The following RBFOX3 variants were observed in gnomAD, a reference collection of about 807,000 sequenced individuals.
RBFOX3 encodes RNA binding fox-1 homolog 3, also known as RNA binding protein fox-1 homolog 3.
Under a neutral mutation model 48.7 loss-of-function variants are expected in RBFOX3, and 17 were observed. The observed-to-expected ratio is 0.35, with a 90% confidence interval of 0.24 to 0.52. The LOEUF (loss-of-function observed/expected upper bound fraction) is 0.52, where lower values mean the gene tolerates loss of function less well. Ranked by LOEUF, RBFOX3 falls within the 20% of genes least tolerant of loss-of-function variation. The pLI, the probability that RBFOX3 is intolerant of heterozygous loss-of-function variation, is 0.94. For missense variants in RBFOX3, 382 were observed against 497.5 expected (o/e 0.77, Z 2.21); for synonymous variants, 212 against 209.5 (o/e 1.01, Z -0.10).
At chr17:79,565,232 G>C (rs2092411739) in intron 1 of RBFOX3, among the ~76,000 whole-genome samples, 1 of 151,774 alleles carries the variant, frequency 6.6e-6, no homozygotes, top group African/African-American at 2.4e-5. Flanking sequence ...ATTGATTTTT[G>C]TTCCCATCTC....
chr17:79,437,521 C>A (rs1038248746), intron 2 of RBFOX3, among the ~76,000 whole-genome samples: 4 of 152,212 alleles, frequency 2.6e-5, no homozygotes, highest in Non-Finnish European at 4.4e-5. Context: ...GGAGAGCTGG[C>A]AGAGCCCGGG....
chr17:79,402,772 G>A (rs2062980971), intron 2 of RBFOX3, among the ~76,000 whole-genome samples: 2 of 152,322 alleles, frequency 1.3e-5, no homozygotes, highest in South Asian at 2.1e-4. Flanking sequence ...GAGTTGGACA[G>A]CCCGGGGTCA....
intron 2 of RBFOX3, among the ~76,000 whole-genome samples, chr17:79,357,939 G>A: frequency 1.5e-5 from 1 of 64,792 alleles, no homozygotes; most frequent in South Asian, 3.9e-4. Context: ...TCCCAAACAA[G>A]CTATTATTAT....
At chr17:79,331,047 C>T (rs2080206780) in intron 2 of RBFOX3, among the ~76,000 whole-genome samples, 1 of 152,142 alleles carries the variant, frequency 6.6e-6, no homozygotes, top group African/African-American at 2.4e-5. Flanking sequence ...CGTATATCTG[C>T]AGCCCCCAGG....
chr17:79,483,069 C>T (rs1419901216), intron 1 of RBFOX3, among the ~76,000 whole-genome samples: 2 of 152,104 alleles, frequency 1.3e-5, no homozygotes, highest in Non-Finnish European at 2.9e-5. Flanking sequence ...CAGATGATGT[C>T]ACTGTCCTGA....
chr17:79,398,283 C>T (rs1192049899), intron 2 of RBFOX3, among the ~76,000 whole-genome samples: 1 of 152,158 alleles, frequency 6.6e-6, no homozygotes, highest in Non-Finnish European at 1.5e-5. Context: ...AGCCCTGAGG[C>T]GCTCCTGGCC....
chr17:79,114,069 TC>T (rs1167833827), intron 5 of RBFOX3, among the ~76,000 whole-genome samples: 1 of 152,192 alleles, frequency 6.6e-6, no homozygotes, highest in Non-Finnish European at 1.5e-5. Flanking sequence ...CCCTCGTCTG[TC>T]CATAAGGTGG....
intron 2 of RBFOX3, among the ~76,000 whole-genome samples, chr17:79,320,343 G>A (rs992067871): frequency 9.2e-5 from 14 of 152,168 alleles, no homozygotes; most frequent in African/African-American, 3.1e-4. Context: ...TACCAGTGCT[G>A]GCAGCCTCTG....
At chr17:79,516,601 C>T (rs1239207386) in intron 1 of RBFOX3, among the ~76,000 whole-genome samples, 2 of 152,252 alleles carry the variant, frequency 1.3e-5, no homozygotes, top group Non-Finnish European at 2.9e-5. Flanking sequence ...CCTCTAATTA[C>T]TCCTGAGAGC....
chr17:79,538,622 AG>A (rs1461021428), intron 1 of RBFOX3, among the ~76,000 whole-genome samples: 3 of 152,234 alleles, frequency 2.0e-5, no homozygotes, highest in African/African-American at 7.2e-5. Context: ...GGGCAGCAGT[AG>A]GGCAGTGACA....
chr17:79,191,394 G>T (rs1409328832), intron 4 of RBFOX3, among the ~76,000 whole-genome samples: 1 of 152,198 alleles, frequency 6.6e-6, no homozygotes, highest in Non-Finnish European at 1.5e-5. Context: ...GAGTTAAAAA[G>T]CAACCGCAAG....
chr17:79,122,093 CCTTGA>C (rs2035903914), intron 4 of RBFOX3, among the ~76,000 whole-genome samples: 1 of 152,154 alleles, frequency 6.6e-6, no homozygotes. Flanking sequence ...TGGGGGTCAC[CCTTGA>C]CTTGGCTCTT....
chr17:79,425,668 A>G (rs1013993204), intron 2 of RBFOX3, among the ~76,000 whole-genome samples: 5 of 152,364 alleles, frequency 3.3e-5, no homozygotes, highest in Middle Eastern at 3.4e-3. Flanking sequence ...CAAGAGATGG[A>G]CAGAGCAAGG....
At chr17:79,354,324 G>A (rs1236280700) in intron 2 of RBFOX3, among the ~76,000 whole-genome samples, 2 of 152,208 alleles carry the variant, frequency 1.3e-5, no homozygotes, top group Admixed American at 6.5e-5. Context: ...GGCCACATCA[G>A]TTCTACTCAT....
At chr17:79,289,115 TC>T (rs1020155587) in intron 3 of RBFOX3, among the ~76,000 whole-genome samples, 1 of 152,062 alleles carries the variant, frequency 6.6e-6, no homozygotes, top group African/African-American at 2.4e-5. Flanking sequence ...CTTCTGCTGC[TC>T]CCCAGATCCC....
intron 4 of RBFOX3, among the ~76,000 whole-genome samples, chr17:79,163,820 A>T (rs1448140557): frequency 6.6e-6 from 1 of 152,056 alleles, no homozygotes. Flanking sequence ...CTCCTTGCCC[A>T]GGTGCTGTGG....
At chr17:79,156,565 A>T (rs1359687845) in intron 4 of RBFOX3, among the ~76,000 whole-genome samples, 1 of 152,190 alleles carries the variant, frequency 6.6e-6, no homozygotes, top group East Asian at 1.9e-4. Flanking sequence ...TAGACCAGGG[A>T]TACGCACAAT....
In RBFOX3 at chr17:79,204,814, C is replaced by G. The variant is rs2057287286; in HGVS notation, c.-34+30952G>C. On this transcript the variant is annotated intron_variant, in intron 4 of 14. Coordinates refer to ENST00000693108, the MANE Select transcript of RBFOX3 (RefSeq NM_001350451.2). This position sits in a 1 kb window ranked among gnomAD's most constrained non-coding sequence, Gnocchi z 4.5. ...CAGGGGCCAGATAGTTGCATTTAAC[C>G]ATCAGAGGCAAGTTGGAATTAAATA... 6.6e-6 allele frequency among the ~76,000 whole-genome samples: 1 copy of G among 152,152 alleles called. No homozygotes were observed. The highest frequency in any genetic ancestry group is 2.4e-5 in the African/African-American group (1 of 41,436).
chr17:79,623,507 A>G, the RBFOX3 span, among the ~76,000 whole-genome samples: 25 of 152,272 alleles, frequency 1.6e-4, no homozygotes, highest in African/African-American at 6.0e-4. Context: ...ACGTAACCAC[A>G]GGGTCCTTAA....
Sources: gnomAD v4.1 joint callset for allele counts (sites outside exome capture counted in the v4.1 genomes callset) on GRCh38, gnomAD v4.1.1 for gene constraint, Gnocchi (gnomAD v3.1) non-coding constraint, MANE v1.5 for transcripts, NCBI Gene and HGNC (gene_info 2026-07-23, HGNC 2026-07-21) for gene names.